Variants in HK1 observed in about 807,000 individuals in gnomAD.
HK1 encodes the protein hexokinase-1.
HK1 carries 28 observed loss-of-function variants against 91.6 expected under a neutral mutation model. The observed-to-expected ratio is 0.31, with a 90% CI of 0.23 to 0.42. The LOEUF (loss-of-function observed/expected upper bound fraction) is 0.42, where lower values mean the gene tolerates loss of function less well. Ranked by LOEUF, HK1 falls within the 10% of genes least tolerant of loss-of-function variation. The probability of loss-of-function intolerance (pLI) is 1.00; values close to 1 mark genes in which losing one functional copy is unlikely to be tolerated. For synonymous variants in HK1, 430 were observed against 468.1 expected (o/e 0.92, Z 1.05); for missense variants, 770 against 1,219.8 (o/e 0.63, Z 5.49).
At chr10:69,373,539 C>T (rs1176078155) in intron 7 of HK1, among the ~76,000 whole-genome samples, 2 of 152,012 alleles carry the variant, frequency 1.3e-5, no homozygotes, top group Non-Finnish European at 1.5e-5. Context: ...GTGGAGTTAG[C>T]CCCACCTTTT....
chr10:69,293,229 G>C (rs1440561201), intron 3 of HK1, among the ~76,000 whole-genome samples: 1 of 152,206 alleles, frequency 6.6e-6, no homozygotes, highest in Non-Finnish European at 1.5e-5. Flanking sequence ...ACACAGGACA[G>C]CTCAGTTCCC....
intron 12 of HK1, among the ~76,000 whole-genome samples, chr10:69,385,496 G>A (rs184212110): frequency 6.6e-6 from 1 of 152,198 alleles, no homozygotes; most frequent in Non-Finnish European, 1.5e-5. Flanking sequence ...GCTCCATGCT[G>A]TCAGGGCTGG....
chr10:69,289,875 C>A (rs1456740786), intron 3 of HK1, among the ~76,000 whole-genome samples: 3 of 151,702 alleles, frequency 2.0e-5, no homozygotes, highest in South Asian at 4.2e-4. Flanking sequence ...CCCACCTCAT[C>A]CTCCCAAAGT....
intron 7 of HK1, among the ~76,000 whole-genome samples, chr10:69,376,236 GAAAGT>G (rs1318233953): frequency 6.6e-6 from 1 of 152,192 alleles, no homozygotes; most frequent in Non-Finnish European, 1.5e-5. Flanking sequence ...GAGTGGAGGT[GAAAGT>G]TCTTTGAAAA....
chr10:69,320,735 A>G lies in HK1; in HGVS notation c.63+1725A>G, dbSNP rs572389678. Among the ~76,000 whole-genome samples, 12 of 152,178 alleles carry G rather than the reference A, an allele frequency of 7.9e-5. No homozygotes were observed. The East Asian group carries it at 2.3e-3, about 29-fold the overall frequency. On this transcript the variant is annotated intron_variant, in intron 1 of 17. Transcript: ENST00000359426. Reference sequence around the variant, plus strand: ...TTGTAAACCTCCAGTGTCCACACCCACCACCACCCACAACAGACTGCTGGC... The same window carrying G: ...TTGTAAACCTCCAGTGTCCACACCCGCCACCACCCACAACAGACTGCTGGC...
chr10:69,305,946 T>C (rs1353728647), intron 5 of HK1, among the ~76,000 whole-genome samples: 1 of 151,466 alleles, frequency 6.6e-6, no homozygotes, highest in Non-Finnish European at 1.5e-5. Context: ...TCTCAATCAA[T>C]TTAGAGTTAA....
At chr10:69,286,610 G>C (rs1438414158) in intron 2 of HK1, among the ~76,000 whole-genome samples, 1 of 151,406 alleles carries the variant, frequency 6.6e-6, no homozygotes, top group Admixed American at 6.6e-5. Context: ...GTGCAATGGT[G>C]CAATCTCGGC....
rs760346117 is a variant in HK1 at position 69,336,949 on chromosome 10, G to T, written c.64-6878G>T. On this transcript the variant is annotated intron_variant, in intron 1 of 17. Coordinates refer to ENST00000359426, the MANE Select transcript of HK1 (RefSeq NM_000188.3). ...CGTGAGCCACCGTGCCTGGCCGGTA[G>T]ATGTATTTTTCAGGCATTGAGATGA... 2.0e-5 allele frequency among the ~76,000 whole-genome samples: 3 copies of T among 151,850 alleles called. No homozygotes were observed. The East Asian group carries it at 5.8e-4, about 29-fold the overall frequency.
In HK1 at chr10:69,369,270, G is replaced by C. The variant is rs749782682; in HGVS notation, c.625G>C (p.Asp209His). 6.2e-7 allele frequency: 1 copy of C among 1,614,210 alleles called. No individual in the cohort carries two copies. The highest frequency in any genetic ancestry group is 1.1e-5 in the South Asian group (1 of 91,086). Reference sequence around the variant, plus strand: ...TGCCAACATCGTAGCTGTGGTGAATGACACAGTGGGCACCATGATGACCTG... The same window carrying C: ...TGCCAACATCGTAGCTGTGGTGAATCACACAGTGGGCACCATGATGACCTG... ...YDANIVAVVN[D>H]TVGTMMTCGY... Residue 209 changes from aspartate (D) to histidine (H), a missense_variant, in exon 6 of 18, where the codon GAC becomes CAC. Physicochemically the swap from Asp to His is moderately conservative, Grantham distance 81. Around this residue, in one of 7 missense-constraint regions of HK1, gnomAD observed 449 missense variants for 665.1 expected, o/e 0.68. Coordinates refer to ENST00000359426, the MANE Select transcript of HK1 (RefSeq NM_000188.3). This position sits in a 1 kb window ranked among gnomAD's most constrained non-coding sequence, Gnocchi z 4.4.
At chr10:69,365,901 G>T (rs544885821) in intron 4 of HK1, among the ~76,000 whole-genome samples, 2 of 152,182 alleles carry the variant, frequency 1.3e-5, no homozygotes, top group East Asian at 3.9e-4. Context: ...GCACGATCTC[G>T]GCTCACTGCA....
Position 69,398,615 on chromosome 10 carries a change from A to G in HK1, c.2396A>G (p.Gln799Arg). 1 of 1,613,772 alleles carries G rather than the reference A, an allele frequency of 6.2e-7. No individual in the cohort carries two copies. Among genetic ancestry groups the G allele is most frequent in the Non-Finnish European group, 8.5e-7 (1 of 1,179,864 alleles). Residue 799 changes from glutamine (Q) to arginine (R), a missense_variant, in exon 17 of 18, where the codon CAG (glutamine) becomes CGG (arginine). This residue lies in a region of HK1 where 25 missense variants were observed against 74.1 expected (regional missense o/e 0.34). Coordinates refer to ENST00000359426, the MANE Select transcript of HK1 (RefSeq NM_000188.3). ...CACAGTGACCGATTAGCACTGCTCC[A>G]GGTCCGGGCTATCCTCCAGCAGCTA... ...QIESDRLALL[Q>R]VRAILQQLGL...
At chr10:69,320,980 G>A (rs891555828) in intron 1 of HK1, among the ~76,000 whole-genome samples, 5 of 152,092 alleles carry the variant, frequency 3.3e-5, no homozygotes, top group African/African-American at 7.2e-5. Context: ...TCCTCACTCC[G>A]AGTTTGGGAT....
chr10:69,346,115 T>C (rs1848546183), intron 2 of HK1, among the ~76,000 whole-genome samples: 1 of 152,144 alleles, frequency 6.6e-6, no homozygotes, highest in Admixed American at 6.5e-5. Context: ...CACCTCCCCC[T>C]GCCTCTTGGC....
At chr10:69,287,958 G>A (rs1845108904) in intron 2 of HK1, among the ~76,000 whole-genome samples, 3 of 148,366 alleles carry the variant, frequency 2.0e-5, no homozygotes, top group Non-Finnish European at 4.5e-5. Flanking sequence ...GGGCAACATA[G>A]CAAGACACTG....
At position 69,401,266 on chromosome 10, in the gene HK1, C is replaced by A; in HGVS notation, c.*131C>A. On this transcript the variant is annotated 3_prime_UTR_variant, in exon 18 of 18. Coordinates refer to ENST00000359426, the MANE Select transcript of HK1 (RefSeq NM_000188.3). ...GCCGGCGCGGGGAGGAAAGCAAAAT[C>A]CAACTAATGGTATATATTGTAGGGT... The A allele has an allele frequency of 1.1e-6, 1 of 947,634 alleles. No individual in the cohort carries two copies. The highest frequency in any genetic ancestry group is 1.6e-6 in the Non-Finnish European group (1 of 613,548). 58.7% of individuals were successfully genotyped at this position (947,634 alleles called of 1,614,324 possible).
chr10:69,328,288 A>G (rs1589491710), intron 1 of HK1, among the ~76,000 whole-genome samples: 1 of 152,144 alleles, frequency 6.6e-6, no homozygotes, highest in East Asian at 1.9e-4. Flanking sequence ...ATGTCGGCTC[A>G]TGTTCATCTT....
At chr10:69,362,316 G>A (rs1166247733) in intron 3 of HK1, among the ~76,000 whole-genome samples, 3 of 152,100 alleles carry the variant, frequency 2.0e-5, no homozygotes, top group Non-Finnish European at 4.4e-5. Flanking sequence ...GGACTCAAGC[G>A]ATCCTCCCAC....
At chr10:69,368,051 G>T (rs1267278743) in intron 4 of HK1, among the ~76,000 whole-genome samples, 2 of 152,192 alleles carry the variant, frequency 1.3e-5, no homozygotes, top group Non-Finnish European at 2.9e-5. Context: ...TAAATGTCTG[G>T]GACCTGGCTC....
intron 2 of HK1, among the ~76,000 whole-genome samples, chr10:69,348,982 T>C (rs559171456): frequency 6.6e-5 from 10 of 152,266 alleles, no homozygotes; most frequent in African/African-American, 2.4e-4. Flanking sequence ...AGTGGAGAAT[T>C]GCCAGTAGCC....
Sources: allele counts gnomAD v4.1 joint callset (sites outside exome capture counted in the v4.1 genomes callset), GRCh38; gene constraint gnomAD v4.1.1; regional missense constraint gnomAD v4.1.1; non-coding constraint Gnocchi (gnomAD v3.1); transcripts MANE v1.5; gene names NCBI Gene and HGNC (gene_info 2026-07-23, HGNC 2026-07-21).